ATP8B4: variants seen among roughly 807,000 people sequenced by gnomAD.
The protein encoded by ATP8B4 is probable phospholipid-transporting ATPase IM.
Under a neutral mutation model 145.6 loss-of-function variants are expected in ATP8B4, and 133 were observed. The observed-to-expected ratio is 0.91, with a 90% CI of 0.79 to 1.05. The LOEUF (loss-of-function observed/expected upper bound fraction) is 1.05, where lower values mean the gene tolerates loss of function less well. ATP8B4 is among the 50% of genes least tolerant of loss of function. The pLI is 0.00. For synonymous variants in ATP8B4, 507 were observed against 492.9 expected (o/e 1.03, Z -0.38); for missense variants, 1,458 against 1,425.2 (o/e 1.02, Z -0.37).
At chr15:49,970,332 GTC>G (rs2044987100) in intron 13 of ATP8B4, among the ~76,000 whole-genome samples, 1 of 152,162 alleles carries the variant, frequency 6.6e-6, no homozygotes, top group South Asian at 2.1e-4. Flanking sequence ...AAATCAAATT[GTC>G]TCTGTTTGCA....
chr15:49,974,081 C>CT (rs5812500), intron 12 of ATP8B4, among the ~76,000 whole-genome samples: 38,805 of 126,660 alleles, frequency 0.31, 7,398 homozygotes, highest in African/African-American at 0.51. Flanking sequence ...TATCATTTGT[C>CT]TTTTTTTTTT....
At chr15:49,911,087 C>A (rs948538148) in intron 20 of ATP8B4, among the ~76,000 whole-genome samples, 1 of 152,046 alleles carries the variant, frequency 6.6e-6, no homozygotes, top group African/African-American at 2.4e-5. Context: ...AAGATATATA[C>A]AACATCCAGA....
intron 1 of ATP8B4, among the ~76,000 whole-genome samples, chr15:50,138,178 C>T (rs2044148860): frequency 6.6e-6 from 1 of 152,158 alleles, no homozygotes; most frequent in South Asian, 2.1e-4. Context: ...ACACCCCATG[C>T]ATGTGTCTAC....
At chr15:50,105,869 T>A (rs2056652038) in intron 2 of ATP8B4, among the ~76,000 whole-genome samples, 1 of 152,202 alleles carries the variant, frequency 6.6e-6, no homozygotes, top group Admixed American at 6.5e-5. Context: ...TTGTTTGTGT[T>A]AAAGTCAGTT....
chr15:50,144,652 C>T (rs2044253416), intron 1 of ATP8B4, among the ~76,000 whole-genome samples: 1 of 152,158 alleles, frequency 6.6e-6, no homozygotes, highest in African/African-American at 2.4e-5. Context: ...TGGGTAGGGA[C>T]ACAGAGCCAA....
At chr15:50,050,427 T>C (rs1415087736) in intron 3 of ATP8B4, among the ~76,000 whole-genome samples, 2 of 152,226 alleles carry the variant, frequency 1.3e-5, no homozygotes, top group African/African-American at 4.8e-5. Context: ...TCCCTTTCTA[T>C]ACATTTATAG....
At chr15:50,001,736 C>G (rs2047908329) in intron 8 of ATP8B4, among the ~76,000 whole-genome samples, 1 of 152,126 alleles carries the variant, frequency 6.6e-6, no homozygotes, top group Admixed American at 6.6e-5. Context: ...TTCTGTTTCT[C>G]TCTTCTTTTT....
At chr15:49,915,838 T>G (rs974943235) in intron 20 of ATP8B4, among the ~76,000 whole-genome samples, 1 of 151,612 alleles carries the variant, frequency 6.6e-6, no homozygotes, top group African/African-American at 2.4e-5. Context: ...TAGCAGGTTT[T>G]TTTTTTTTTT....
intron 2 of ATP8B4, among the ~76,000 whole-genome samples, chr15:50,094,829 C>A (rs1391910155): frequency 6.6e-6 from 1 of 151,474 alleles, no homozygotes; most frequent in Non-Finnish European, 1.5e-5. Context: ...GACTCAAGAC[C>A]CTTTCATGGT....
intron 8 of ATP8B4, among the ~76,000 whole-genome samples, chr15:49,999,925 A>C (rs2047750954): frequency 6.6e-6 from 1 of 152,094 alleles, no homozygotes; most frequent in Non-Finnish European, 1.5e-5. Flanking sequence ...CAAAAGGCAA[A>C]AATTTTATAA....
At chr15:50,163,008 A>T (rs2044544157) in intron 1 of ATP8B4, among the ~76,000 whole-genome samples, 1 of 152,136 alleles carries the variant, frequency 6.6e-6, no homozygotes, top group African/African-American at 2.4e-5. Flanking sequence ...ATCTGATAGG[A>T]TTCTGAATTC....
chr15:49,924,788 T>C (rs1468604674), intron 16 of ATP8B4, among the ~76,000 whole-genome samples: 1 of 152,174 alleles, frequency 6.6e-6, no homozygotes, highest in Non-Finnish European at 1.5e-5. Context: ...GTGGGTTTTC[T>C]TGTACTCTAG....
chr15:50,006,090 G>A (rs369788302), intron 7 of ATP8B4, among the ~76,000 whole-genome samples: 2 of 151,986 alleles, frequency 1.3e-5, no homozygotes, highest in South Asian at 2.1e-4. Context: ...AATAGGTAAC[G>A]TTTGTATTTA....
At chr15:50,070,867 T>C (rs978655542) in intron 3 of ATP8B4, among the ~76,000 whole-genome samples, 5 of 152,040 alleles carry the variant, frequency 3.3e-5, no homozygotes, top group African/African-American at 1.2e-4. Flanking sequence ...CAGCCTCTTG[T>C]GTAGCTGGAC....
At chr15:49,997,593 ATGACAATCC>A (rs2047531570) in intron 8 of ATP8B4, among the ~76,000 whole-genome samples, 1 of 152,116 alleles carries the variant, frequency 6.6e-6, no homozygotes, top group African/African-American at 2.4e-5. Flanking sequence ...CCCCAAGAGG[ATGACAATCC>A]TCTTGGGGAA....
intron 14 of ATP8B4, among the ~76,000 whole-genome samples, chr15:49,959,504 A>C (rs1415665138): frequency 2.0e-5 from 3 of 152,088 alleles, no homozygotes; most frequent in African/African-American, 7.2e-5. Flanking sequence ...AAAAGTAAAA[A>C]AGTTAGAATG....
intron 14 of ATP8B4, among the ~76,000 whole-genome samples, chr15:49,941,096 C>T (rs1012753274): frequency 2.0e-5 from 3 of 151,866 alleles, no homozygotes; most frequent in Non-Finnish European, 4.4e-5. Flanking sequence ...AGGGAGTAGA[C>T]ATTTATAGGG....
intron 15 of ATP8B4, among the ~76,000 whole-genome samples, chr15:49,932,045 ATTAT>A (rs2041308466): frequency 6.7e-6 from 1 of 150,164 alleles, no homozygotes; most frequent in African/African-American, 2.5e-5. Context: ...CTTATATAAA[ATTAT>A]ATTATATTTA....
intron 2 of ATP8B4, among the ~76,000 whole-genome samples, chr15:50,081,579 C>A (rs1444623657): frequency 2.0e-5 from 3 of 152,160 alleles, no homozygotes; most frequent in Admixed American, 2.0e-4. Context: ...ATCCAACTTC[C>A]ACTTCCAGTA....
Sources: gnomAD v4.1 joint callset for allele counts (sites outside exome capture counted in the v4.1 genomes callset) on GRCh38, gnomAD v4.1.1 for gene constraint, MANE v1.5 for transcripts, NCBI Gene and HGNC (gene_info 2026-07-23, HGNC 2026-07-21) for gene names.